Variants in PIWIL4 observed in about 807,000 individuals in gnomAD.
The protein encoded by PIWIL4 is piwi like RNA-mediated gene silencing 4.
PIWIL4 carries 50 observed loss-of-function variants against 100.9 expected under a neutral mutation model. The ratio of observed to expected loss-of-function variants is 0.50; its 90% CI spans 0.39 to 0.63. PIWIL4 has a LOEUF of 0.63. Ranked by LOEUF, PIWIL4 falls within the 20% of genes least tolerant of loss-of-function variation. The pLI, the probability that PIWIL4 is intolerant of heterozygous loss-of-function variation, is 0.00. For synonymous variants in PIWIL4, 342 were observed against 367.5 expected, an observed-to-expected ratio of 0.93 and a Z score of 0.79; for missense variants, 887 against 1,043.3, an observed-to-expected ratio of 0.85 and a Z score of 2.06.
intron 11 of PIWIL4, among the ~76,000 whole-genome samples, chr11:94,600,518 G>C (rs1948621279): frequency 1.3e-5 from 2 of 152,272 alleles, no homozygotes; most frequent in South Asian, 4.1e-4. Flanking sequence ...TACTTTACAA[G>C]GTAATAGAAT....
intron 2 of PIWIL4, among the ~76,000 whole-genome samples, chr11:94,570,409 T>C (rs956122127): frequency 4.6e-5 from 7 of 151,968 alleles, no homozygotes; most frequent in African/African-American, 1.4e-4. Context: ...TGCATTTCTA[T>C]GTCCTGATTC....
chr11:94,573,171 G>A (rs1948183779), intron 2 of PIWIL4, among the ~76,000 whole-genome samples: 1 of 152,174 alleles, frequency 6.6e-6, no homozygotes, highest in African/African-American at 2.4e-5. Context: ...TTGCTTATCA[G>A]CTTAAGGACA....
At chr11:94,591,982 G>A (rs1948491986) in intron 8 of PIWIL4, among the ~76,000 whole-genome samples, 1 of 152,134 alleles carries the variant, frequency 6.6e-6, no homozygotes, top group South Asian at 2.1e-4. Context: ...CTTCTTCCTG[G>A]AAGATGCCTT....
At chr11:94,593,727 T>C in intron 9 of PIWIL4, 86 bp downstream of exon 9, 1 of 1,447,960 alleles carries the variant, frequency 6.9e-7, no homozygotes, top group Non-Finnish European at 9.3e-7. Flanking sequence ...TTAAGTTACA[T>C]GAATGCCAGG....
chr11:94,596,282 T>C (rs540064166), intron 10 of PIWIL4, among the ~76,000 whole-genome samples: 53 of 151,742 alleles, frequency 3.5e-4, no homozygotes, highest in African/African-American at 1.2e-3. Context: ...TTTTTTAAAG[T>C]AGTACTAGCT....
intron 2 of PIWIL4, among the ~76,000 whole-genome samples, chr11:94,569,526 G>C (rs934224578): frequency 2.6e-5 from 4 of 152,170 alleles, no homozygotes; most frequent in African/African-American, 9.7e-5. Flanking sequence ...TTACAGGCAT[G>C]TGCCACCACG....
At chr11:94,586,193 T>G (rs562301219) in intron 6 of PIWIL4, among the ~76,000 whole-genome samples, 1 of 151,816 alleles carries the variant, frequency 6.6e-6, no homozygotes, top group South Asian at 2.1e-4. Context: ...GTCAGCGTGC[T>G]CTCTATAAAG....
At chr11:94,579,211 A>T (rs562300033) in intron 4 of PIWIL4, among the ~76,000 whole-genome samples, 1 of 152,350 alleles carries the variant, frequency 6.6e-6, no homozygotes, top group African/African-American at 2.4e-5. Flanking sequence ...CCGTTTATTT[A>T]ACTACTTGCT....
At chr11:94,601,594 TG>T (rs1948643126) in intron 11 of PIWIL4, among the ~76,000 whole-genome samples, 200 bp from the exon 12 acceptor site, 3 of 152,354 alleles carry the variant, frequency 2.0e-5, no homozygotes, top group Non-Finnish European at 4.4e-5. Flanking sequence ...CTGGAAGACC[TG>T]GGATGACGCC....
intron 11 of PIWIL4, among the ~76,000 whole-genome samples, chr11:94,600,394 C>G (rs1375565744): frequency 6.6e-6 from 1 of 152,060 alleles, no homozygotes; most frequent in African/African-American, 2.4e-5. Context: ...GGGGAGACAT[C>G]ACATGTCGGT....
At chr11:94,613,900 T>C (rs887684445) in intron 15 of PIWIL4, among the ~76,000 whole-genome samples, 4 of 152,092 alleles carry the variant, frequency 2.6e-5, no homozygotes, top group Middle Eastern at 3.4e-3. Context: ...GTAGCTGAGA[T>C]TATAGGCACC....
chr11:94,584,784 G>C (rs1013523732), intron 5 of PIWIL4, among the ~76,000 whole-genome samples: 1 of 152,136 alleles, frequency 6.6e-6, no homozygotes, highest in African/African-American at 2.4e-5. Context: ...TAAGATCCTC[G>C]GCTGGGCCGG....
At chr11:94,601,662 A>G in intron 11 of PIWIL4, 133 bp from the exon 12 acceptor site, 1 of 841,496 alleles carries the variant, frequency 1.2e-6, no homozygotes, top group South Asian at 1.5e-5. Context: ...CAGTGCCTGC[A>G]TCTGTGTTTT....
At chr11:94,606,457 T>C (rs1203501610) in intron 13 of PIWIL4, among the ~76,000 whole-genome samples, 1 of 152,192 alleles carries the variant, frequency 6.6e-6, no homozygotes, top group Non-Finnish European at 1.5e-5. Flanking sequence ...TTTCTACAAT[T>C]TGGGGGCTTT....
intron 15 of PIWIL4, among the ~76,000 whole-genome samples, chr11:94,613,386 CTCTG>C (rs1447159238): frequency 1.3e-5 from 2 of 152,186 alleles, no homozygotes; most frequent in African/African-American, 4.8e-5. Context: ...TTTCAACATT[CTCTG>C]TCTTTGATTT....
chr11:94,586,916 G>A, intron 6 of PIWIL4, 134 bp from the exon 7 acceptor site: 1 of 887,922 alleles, frequency 1.1e-6, no homozygotes, highest in Non-Finnish European at 1.7e-6. Context: ...ACAACTGGAA[G>A]AAATCAGACT....
At chr11:94,616,854 C>G (rs1434654518) in intron 16 of PIWIL4, among the ~76,000 whole-genome samples, 1 of 152,126 alleles carries the variant, frequency 6.6e-6, no homozygotes, top group African/African-American at 2.4e-5. Flanking sequence ...AGAAACCAAC[C>G]CTGGAGGAAC....
At chr11:94,597,990 G>A in intron 11 of PIWIL4, 75 bp downstream of exon 11, 1 of 1,115,446 alleles carries the variant, frequency 9.0e-7, no homozygotes, top group South Asian at 1.3e-5. Flanking sequence ...TGGCCAGAGT[G>A]GCTTGTGTGC....
chr11:94,608,722 A>G (rs748584657), intron 15 of PIWIL4, 36 bp downstream of exon 15: 36 of 1,536,212 alleles, frequency 2.3e-5, no homozygotes, highest in Middle Eastern at 3.4e-4. Context: ...TGCTTCATTT[A>G]GTTAGACTAT....
Sources: gnomAD v4.1 joint callset for allele counts (sites outside exome capture counted in the v4.1 genomes callset) on GRCh38, gnomAD v4.1.1 for gene constraint, MANE v1.5 for transcripts, NCBI Gene and HGNC (gene_info 2026-07-23, HGNC 2026-07-21) for gene names.